NACC1: variants seen among roughly 807,000 people sequenced by gnomAD.
NACC1 encodes nucleus accumbens associated 1, also known as nucleus accumbens-associated protein 1.
A neutral mutation model predicts 41.7 loss-of-function variants in NACC1; 6 were observed. That is an observed-to-expected ratio of 0.14 (90% CI 0.08 to 0.28). NACC1 has a LOEUF of 0.28. Among genes scored for constraint, NACC1 ranks in the 10% least tolerant of loss-of-function variants. NACC1 has a pLI of 1.00. For missense variants in NACC1, 434 were observed against 763.7 expected (o/e 0.57, Z 5.09); for synonymous variants, 338 against 330.6 (o/e 1.02, Z -0.24).
At position 13,140,978 on chromosome 19, in the gene NACC1, C is replaced by A. The variant is rs1478840532; in HGVS notation, c.*2572C>A. 1.3e-5 allele frequency: 2 copies of A among 152,622 alleles called. No individual in the cohort carries two copies. Among genetic ancestry groups the A allele is most frequent in the East Asian group, 3.9e-4 (2 of 5,176 alleles). The allele number at this position is 152,622 out of a possible 1,614,324, so 9.5% of individuals were successfully genotyped here. The stretch of plus-strand genomic sequence containing the variant: ...CAGGACAGGCTGCCCACCCTGTCCA[C>A]GTGAAGTGCCAACGCCCTCCCCACC... On this transcript the variant is annotated 3_prime_UTR_variant, in exon 6 of 6. Coordinates refer to ENST00000292431, the MANE Select transcript of NACC1 (RefSeq NM_052876.4). The surrounding 1 kb of genome is among the most constrained non-coding windows in gnomAD (Gnocchi z 4.0).
Position 13,136,785 on chromosome 19 carries a change from A to G in NACC1, c.1120+380A>G, listed in dbSNP as rs1391947809. 6.6e-6 allele frequency among the ~76,000 whole-genome samples: 1 copy of G among 152,118 alleles called. No homozygotes were observed. Among genetic ancestry groups the G allele is most frequent in the South Asian group, 2.1e-4 (1 of 4,838 alleles). On this transcript the variant is annotated intron_variant, in intron 3 of 5. Transcript: ENST00000292431. The surrounding 1 kb of genome is among the most constrained non-coding windows in gnomAD (Gnocchi z 5.5). The stretch of plus-strand genomic sequence containing the variant: ...TGAGGTGGGAGGATCCCTTGAGCCC[A>G]GGAGGTCAAGGCTGCAGTGAGCTGT...
intron 1 of NACC1, among the ~76,000 whole-genome samples, chr19:13,134,710 A>G (rs554093492): frequency 6.6e-6 from 1 of 152,348 alleles, no homozygotes; most frequent in Admixed American, 6.5e-5. Context: ...TTATACAAAC[A>G]GTGATTGAAG....
chr19:13,122,768 C>T (rs1003671843), intron 1 of NACC1, among the ~76,000 whole-genome samples: 1 of 152,114 alleles, frequency 6.6e-6, no homozygotes, highest in African/African-American at 2.4e-5. Context: ...CTGTTAATCC[C>T]ATGAAATGTG....
Position 13,137,690 on chromosome 19 carries a change from C to T in NACC1, c.1324+115C>T. ...TTCAGTGTTGAGAAGCATTCTGGGG[C>T]TCATTCTAGCCTTGCTGGGAAACCG... On this transcript the variant is annotated intron_variant, in intron 5 of 5. Coordinates refer to ENST00000292431, the MANE Select transcript of NACC1 (RefSeq NM_052876.4). This position sits in a 1 kb window ranked among gnomAD's most constrained non-coding sequence, Gnocchi z 6.1. 2.4e-6 allele frequency: 2 copies of T among 831,646 alleles called. No homozygotes were observed. Among genetic ancestry groups the T allele is most frequent in the Non-Finnish European group, 3.7e-6 (2 of 539,638 alleles). 51.5% of individuals were successfully genotyped at this position (831,646 alleles called of 1,614,324 possible). A position where few individuals can be genotyped will look rare whatever the true frequency, so the allele number is the denominator to read the frequency against.
Position 13,138,625 on chromosome 19 carries a change from T to C in NACC1, c.*219T>C. ...GGCGTGAGGTCCGTGTTGCCTTCTT[T>C]AACACACACTCGTGCAGTGGGGGAG... On this transcript the variant is annotated 3_prime_UTR_variant, in exon 6 of 6. Coordinates refer to ENST00000292431, the MANE Select transcript of NACC1 (RefSeq NM_052876.4). This position sits in a 1 kb window ranked among gnomAD's most constrained non-coding sequence, Gnocchi z 5.7. The C allele has an allele frequency of 3.2e-6, 2 of 633,518 alleles. No individual in the cohort carries two copies. The highest frequency in any genetic ancestry group is 5.4e-6 in the Non-Finnish European group (2 of 370,898). The allele number at this position is 633,518 out of a possible 1,614,324, so 39.2% of individuals were successfully genotyped here.
At position 13,138,205 on chromosome 19, in the gene NACC1, C is replaced by T. The variant is rs1456045296; in HGVS notation, c.1383C>T (p.Ala461=). Residue 461 remains alanine (A), a synonymous_variant, in exon 6 of 6, where the codon GCC becomes GCT. Transcript: ENST00000292431. This position sits in a 1 kb window ranked among gnomAD's most constrained non-coding sequence, Gnocchi z 5.7. The part of the protein sequence containing the change: ...FKESEMNAIA[A]DMCTNARRVV... ...AGAGCGAGATGAATGCCATCGCGGC[C>T]GACATGTGCACCAACGCCCGCCGCG... 8.1e-6 allele frequency: 13 copies of T among 1,614,056 alleles called. No homozygotes were observed. Among genetic ancestry groups the T allele is most frequent in the Admixed American group, 3.3e-5 (2 of 60,014 alleles).
rs2019753802 is a variant in NACC1 at position 13,139,404 on chromosome 19, T to C, written c.*998T>C. 2 of 151,974 alleles carry C rather than the reference T, an allele frequency of 1.3e-5. No homozygotes were observed. Among genetic ancestry groups the C allele is most frequent in the Admixed American group, 6.6e-5 (1 of 15,262 alleles). The allele number at this position is 151,974 out of a possible 1,614,324, so 9.4% of individuals were successfully genotyped here. A position where few individuals can be genotyped will look rare whatever the true frequency, so the allele number is the denominator to read the frequency against. On this transcript the variant is annotated 3_prime_UTR_variant, in exon 6 of 6. Coordinates refer to ENST00000292431, the MANE Select transcript of NACC1 (RefSeq NM_052876.4). ...AGATTCCTTTTATTTTTCAAACCAATGGGGCTGTGTCTATTGTCCCCCTCG... is the reference window on the plus strand; with the variant it reads ...AGATTCCTTTTATTTTTCAAACCAACGGGGCTGTGTCTATTGTCCCCCTCG...
At chr19:13,133,389 C>T (rs1419793098) in intron 1 of NACC1, among the ~76,000 whole-genome samples, 1 of 151,992 alleles carries the variant, frequency 6.6e-6, no homozygotes, top group Non-Finnish European at 1.5e-5. Flanking sequence ...AAACCCCACA[C>T]ACCTTTGCCT....
chr19:13,127,371 CTTTTTTTTTT>C (rs147514422), intron 1 of NACC1, among the ~76,000 whole-genome samples: 13 of 28,516 alleles, frequency 4.6e-4, no homozygotes, highest in East Asian at 1.0e-3. Context: ...TATACATATA[CTTTTTTTTTT>C]TTTTTTTTTT....
At chr19:13,133,140 C>T (rs1038548266) in intron 1 of NACC1, among the ~76,000 whole-genome samples, 12 of 152,158 alleles carry the variant, frequency 7.9e-5, no homozygotes, top group African/African-American at 2.9e-4. Context: ...ATTCCTGCAC[C>T]AGGGCCTTTG....
Position 13,138,044 on chromosome 19 carries a change from C to A in NACC1, c.1325-103C>A. 3 of 1,530,250 alleles carry A rather than the reference C, an allele frequency of 2.0e-6. No individual in the cohort carries two copies. The highest frequency in any genetic ancestry group is 8.8e-7 in the Non-Finnish European group (1 of 1,130,918). 94.8% of individuals were successfully genotyped at this position (1,530,250 alleles called of 1,614,324 possible). A position where few individuals can be genotyped will look rare whatever the true frequency, so the allele number is the denominator to read the frequency against. On this transcript the variant is annotated intron_variant, in intron 5 of 5. Coordinates refer to ENST00000292431, the MANE Select transcript of NACC1 (RefSeq NM_052876.4). The surrounding 1 kb of genome is among the most constrained non-coding windows in gnomAD (Gnocchi z 5.7). ...CCTGGCCGCGTGGCCTCACTCGTTT[C>A]CCCTTTGAGAGGGAGTCGCAGATGC...
intron 1 of NACC1, among the ~76,000 whole-genome samples, chr19:13,130,301 C>G (rs2019617595): frequency 1.3e-5 from 2 of 152,028 alleles, no homozygotes; most frequent in Admixed American, 1.3e-4. Flanking sequence ...TGGTCTTGAA[C>G]CCCTGGCTTC....
chr19:13,126,675 A>G (rs1173642277), intron 1 of NACC1, among the ~76,000 whole-genome samples: 1 of 152,026 alleles, frequency 6.6e-6, no homozygotes. Flanking sequence ...ACTGCTGGCT[A>G]CCCACCTTGG....
chr19:13,134,630 A>G (rs1024383403), intron 1 of NACC1, among the ~76,000 whole-genome samples: 11 of 152,118 alleles, frequency 7.2e-5, no homozygotes, highest in African/African-American at 2.4e-4. Flanking sequence ...CAGCCTCCCA[A>G]AGTGCTGAGA....
chr19:13,130,475 T>C (rs920531959), intron 1 of NACC1, among the ~76,000 whole-genome samples: 2 of 152,110 alleles, frequency 1.3e-5, no homozygotes, highest in Non-Finnish European at 2.9e-5. Context: ...AATGTTTGCC[T>C]TCATTGAGCT....
chr19:13,137,533 C>T lies in NACC1; in HGVS notation c.1282C>T (p.Arg428Cys), dbSNP rs774609733. 1.9e-6 allele frequency: 3 copies of T among 1,575,080 alleles called. No individual in the cohort carries two copies. The highest frequency in any genetic ancestry group is 1.3e-5 in the African/African-American group (1 of 74,282). Reference protein sequence around the residue: ...TGIRSSTNDPRRKPLDSRVLH... With the variant: ...TGIRSSTNDPCRKPLDSRVLH... ...CATCCGCTCTTCTACCAACGATCCC[C>T]GTCGGAAGCCCCTGGACAGCCGCGT... The change falls in exon 5 of 6, where the codon CGT becomes TGT. Residue 428 changes from arginine to cysteine, a missense_variant. Arg to Cys is a radical substitution (Grantham distance 180, BLOSUM62 -3). Around this residue, in one of 4 missense-constraint regions of NACC1, gnomAD observed 70 missense variants for 206.9 expected, o/e 0.34. Coordinates refer to ENST00000292431, the MANE Select transcript of NACC1 (RefSeq NM_052876.4). The surrounding 1 kb of genome is among the most constrained non-coding windows in gnomAD (Gnocchi z 6.1).
chr19:13,118,832 A>T (rs946915880), intron 1 of NACC1, among the ~76,000 whole-genome samples: 5 of 89,172 alleles, frequency 5.6e-5, no homozygotes, highest in South Asian at 4.4e-4. Flanking sequence ...GGCTCCGGCC[A>T]GGCCGAGTGG....
At position 13,138,981 on chromosome 19, in the gene NACC1, GCA is replaced by G. The variant is rs1262015134; in HGVS notation, c.*578_*579del. The G allele has an allele frequency of 6.5e-6, 1 of 153,910 alleles. No individual in the cohort carries two copies. The highest frequency in any genetic ancestry group is 1.9e-4 in the East Asian group (1 of 5,208). The allele number at this position is 153,910 out of a possible 1,614,324, so 9.5% of individuals were successfully genotyped here. A position where few individuals can be genotyped will look rare whatever the true frequency, so the allele number is the denominator to read the frequency against. On this transcript the variant is annotated 3_prime_UTR_variant, in exon 6 of 6. Coordinates refer to ENST00000292431, the MANE Select transcript of NACC1 (RefSeq NM_052876.4). The surrounding 1 kb of genome is among the most constrained non-coding windows in gnomAD (Gnocchi z 5.7). ...CTGGGGAAACAGGCTCCGAGAAATT[GCA>G]CAACCGACCTCAGGTGGCCGGCAGT...
intron 1 of NACC1, among the ~76,000 whole-genome samples, chr19:13,129,145 AG>A (rs2019599955): frequency 6.6e-6 from 1 of 152,172 alleles, no homozygotes; most frequent in Non-Finnish European, 1.5e-5. Context: ...TATTCCAGGC[AG>A]GGTGCACAGC....
Sources: gnomAD v4.1 joint callset for allele counts (sites outside exome capture counted in the v4.1 genomes callset) on GRCh38, gnomAD v4.1.1 for gene constraint, gnomAD v4.1.1 regional missense constraint, Gnocchi (gnomAD v3.1) non-coding constraint, MANE v1.5 for transcripts, NCBI Gene and HGNC (gene_info 2026-07-23, HGNC 2026-07-21) for gene names.